WTAP: variants seen among roughly 807,000 people sequenced by gnomAD.
WTAP encodes the protein pre-mRNA-splicing regulator WTAP.
A neutral mutation model predicts 50.0 loss-of-function variants in WTAP; 8 were observed. That is an observed-to-expected ratio of 0.16 (90% CI 0.09 to 0.29). The LOEUF (loss-of-function observed/expected upper bound fraction) is 0.29. Ranked by LOEUF, WTAP falls within the 10% of genes least tolerant of loss-of-function variation. The pLI is 1.00. For synonymous variants in WTAP, 194 were observed against 169.0 expected (o/e 1.15, Z -1.15); for missense variants, 295 against 470.7 (o/e 0.63, Z 3.45).
intron 2 of WTAP, among the ~76,000 whole-genome samples, chr6:159,738,008 G>C (rs993521622): frequency 6.6e-6 from 1 of 152,176 alleles, no homozygotes; most frequent in African/African-American, 2.4e-5. Flanking sequence ...AACACCTTGC[G>C]TGACTAGCAG....
chr6:159,752,596 C>A (rs1464603279), intron 6 of WTAP, among the ~76,000 whole-genome samples: 1 of 152,128 alleles, frequency 6.6e-6, no homozygotes, highest in Non-Finnish European at 1.5e-5. Flanking sequence ...AATTGTGATA[C>A]GTGACCACTG....
intron 2 of WTAP, among the ~76,000 whole-genome samples, chr6:159,737,762 A>T (rs1779010316): frequency 6.6e-6 from 1 of 152,186 alleles, no homozygotes; most frequent in Non-Finnish European, 1.5e-5. Context: ...AAAGTGCAGG[A>T]GGCATGAGCC....
Position 159,748,402 on chromosome 6 carries a change from C to T in WTAP, c.452+33C>T. ...AATCATACTCCCCAGTCAAGACTTCCCTGACAGTCCCACTACGAGAAAGCT... is the reference window on the plus strand; with the variant it reads ...AATCATACTCCCCAGTCAAGACTTCTCTGACAGTCCCACTACGAGAAAGCT... On this transcript the variant is annotated intron_variant, in intron 6 of 7. Coordinates refer to ENST00000621533, the MANE Select transcript of WTAP (RefSeq NM_001270531.2). The surrounding 1 kb of genome is among the most constrained non-coding windows in gnomAD (Gnocchi z 5.6). 3.1e-6 allele frequency: 5 copies of T among 1,608,612 alleles called. No homozygotes were observed. Among genetic ancestry groups the T allele is most frequent in the Non-Finnish European group, 3.4e-6 (4 of 1,175,958 alleles).
chr6:159,727,377 C>CAGGAGGCGGGAGGCGGGAGGG, upstream of WTAP: 2 of 536,502 alleles, frequency 3.7e-6, no homozygotes, highest in South Asian at 2.8e-5. Flanking sequence ...GGGAGGCTGG[C>CAGGAGGCGGGAGGCGGGAGGG]GGGAGGCGGG....
Position 159,755,760 on chromosome 6 carries a change from C to CTTTTTTTTTTTTTTTTTT in WTAP, c.*153_*154insTTTTTTTTTTTTTTTTTT, listed in dbSNP as rs1779984995. On this transcript the variant is annotated 3_prime_UTR_variant, in exon 8 of 8. Coordinates refer to ENST00000621533, the MANE Select transcript of WTAP (RefSeq NM_001270531.2). ...TGTTTTTTTTCTTTGTTTTTTTTTT[C>CTTTTTTTTTTTTTTTTTT]TTTTCTTTTTTTTTTTTTTTTTTTT... The CTTTTTTTTTTTTTTTTTT allele has an allele frequency of 6.3e-5, 18 of 283,674 alleles. No homozygotes were observed. Among genetic ancestry groups the CTTTTTTTTTTTTTTTTTT allele is most frequent in the South Asian group, 3.9e-4 (2 of 5,158 alleles). 17.6% of individuals were successfully genotyped at this position (283,674 alleles called of 1,614,324 possible). A position where few individuals can be genotyped will look rare whatever the true frequency, so the allele number is the denominator to read the frequency against.
At chr6:159,737,616 C>T (rs1446374143) in intron 2 of WTAP, among the ~76,000 whole-genome samples, 2 of 152,000 alleles carry the variant, frequency 1.3e-5, no homozygotes, top group Non-Finnish European at 2.9e-5. Context: ...CTTTGCCCCC[C>T]AAAGTAGCTC....
At chr6:159,732,303 A>G (rs149733356) in intron 1 of WTAP, among the ~76,000 whole-genome samples, 49 of 152,332 alleles carry the variant, frequency 3.2e-4, no homozygotes, top group African/African-American at 1.2e-3. Context: ...AAAGTTGTAC[A>G]TACTGAGTAG....
intron 1 of WTAP, 70 bp from the exon 2 acceptor site, chr6:159,736,188 A>G (rs566266322): frequency 2.1e-6 from 3 of 1,420,226 alleles, no homozygotes; most frequent in Non-Finnish European, 2.0e-6. Flanking sequence ...TGAAAGAGTC[A>G]GTATTTTTTA....
At chr6:159,730,475 C>T (rs959472878) in intron 1 of WTAP, among the ~76,000 whole-genome samples, 1 of 152,094 alleles carries the variant, frequency 6.6e-6, no homozygotes. Context: ...GAATACCAAA[C>T]TTCTCGGTAC....
chr6:159,734,227 T>C (rs910476150), intron 1 of WTAP, among the ~76,000 whole-genome samples: 11 of 152,006 alleles, frequency 7.2e-5, no homozygotes, highest in African/African-American at 2.7e-4. Context: ...TTGCCCGGGC[T>C]CGGTTCAAAC....
chr6:159,747,741 T>C (rs1370198659), intron 5 of WTAP, among the ~76,000 whole-genome samples: 1 of 152,216 alleles, frequency 6.6e-6, no homozygotes, highest in African/African-American at 2.4e-5. Context: ...TTTTTTCCAC[T>C]GGGTTGTCAG....
At chr6:159,726,710 A>T, upstream of WTAP, 10 of 1,229,698 alleles carry the variant, frequency 8.1e-6, no homozygotes, top group Non-Finnish European at 9.5e-6. Context: ...CCGCGGACAC[A>T]GCGCAACCTC....
At chr6:159,745,773 C>T (rs1779539712) in intron 5 of WTAP, among the ~76,000 whole-genome samples, 1 of 152,136 alleles carries the variant, frequency 6.6e-6, no homozygotes, top group Non-Finnish European at 1.5e-5. Context: ...AGGAACAGGA[C>T]TTTAAGCAGG....
intron 7 of WTAP, among the ~76,000 whole-genome samples, 199 bp from the exon 8 acceptor site, chr6:159,754,824 ATTATT>A (rs1274725963): frequency 2.0e-5 from 3 of 152,162 alleles, no homozygotes; most frequent in African/African-American, 7.2e-5. Context: ...CCAACTGTAT[ATTATT>A]TTAAGTATCT....
chr6:159,744,182 A>C (rs1779425545), intron 5 of WTAP, among the ~76,000 whole-genome samples: 1 of 152,172 alleles, frequency 6.6e-6, no homozygotes, highest in African/African-American at 2.4e-5. Context: ...CTCTGTGTAT[A>C]GAACTGTTTT....
chr6:159,727,813 A>C (rs1778294046), intron 1 of WTAP, 110 bp downstream of exon 1: 1 of 778,492 alleles, frequency 1.3e-6, no homozygotes, highest in South Asian at 5.8e-5. Flanking sequence ...GAAAGGCCAC[A>C]CGGGCCTGGT....
At chr6:159,730,895 T>C (rs1487706987) in intron 1 of WTAP, 3 of 152,074 alleles carry the variant, frequency 2.0e-5, no homozygotes, top group Non-Finnish European at 4.4e-5. Context: ...CATCAAACTT[T>C]TTAAAAAGAA....
At chr6:159,729,728 C>A (rs1205708831) in intron 1 of WTAP, among the ~76,000 whole-genome samples, 1 of 152,204 alleles carries the variant, frequency 6.6e-6, no homozygotes, top group Non-Finnish European at 1.5e-5. Context: ...GAAAAGATGG[C>A]CTTTCAGTTC....
chr6:159,727,248 C>T (rs1379689459), upstream of WTAP: 3 of 1,281,860 alleles, frequency 2.3e-6, no homozygotes, highest in South Asian at 1.2e-5. Flanking sequence ...GCTAGGCCGA[C>T]GGCCTCCCTC....
Sources: allele counts gnomAD v4.1 joint callset (sites outside exome capture counted in the v4.1 genomes callset), GRCh38; gene constraint gnomAD v4.1.1; non-coding constraint Gnocchi (gnomAD v3.1); transcripts MANE v1.5; gene names NCBI Gene and HGNC (gene_info 2026-07-23, HGNC 2026-07-21).